The following HSPA13 variants were observed in gnomAD, a reference collection of about 807,000 sequenced individuals.
HSPA13 encodes heat shock 70 kDa protein 13.
Under a neutral mutation model 38.8 loss-of-function variants are expected in HSPA13, and 29 were observed. The observed-to-expected ratio is 0.75, with a 90% confidence interval of 0.56 to 1.02. HSPA13 has a LOEUF of 1.02. HSPA13 is among the 50% of genes least tolerant of loss of function. The pLI is 0.00. For synonymous variants in HSPA13, 192 were observed against 205.3 expected (o/e 0.94, Z 0.56); for missense variants, 451 against 560.9 (o/e 0.80, Z 1.98).
chr21:14,382,203 A>C (rs1984186754), intron 1 of HSPA13, among the ~76,000 whole-genome samples: 1 of 152,188 alleles, frequency 6.6e-6, no homozygotes, highest in Non-Finnish European at 1.5e-5. Context: ...AGGGGAGAAG[A>C]AGCATAAAGG....
rs185108797 is a variant in HSPA13 at position 14,376,431 on chromosome 21, A to G, written c.581-612T>C. ...CCGTCTCAAAAAATAAAAAAAAATA[A>G]AAAATTTAATCATTATATACTATCA... On this transcript the variant is annotated intron_variant, in intron 3 of 4. Transcript: ENST00000285667. Among the ~76,000 whole-genome samples the G allele has an allele frequency of 5.9e-4, 90 of 152,320 alleles. 1 individual carries two copies. The East Asian group carries it at 0.016, about 27-fold the overall frequency.
Position 14,374,018 on chromosome 21 carries a change from G to A in HSPA13, c.1015C>T (p.His339Tyr). 2 of 1,614,200 alleles carry A rather than the reference G, an allele frequency of 1.2e-6. No individual in the cohort carries two copies. The change falls in exon 5 of 5, where the codon CAT becomes TAT. Residue 339 changes from histidine to tyrosine, a missense_variant. Coordinates refer to ENST00000285667, the MANE Select transcript of HSPA13 (RefSeq NM_006948.5). Reference sequence around the variant, plus strand: ...CGTCCAAACCCACTGTTCACGCGATGGTCATCTGCTGAGGAAAGTTTGTCT... The same window carrying A: ...CGTCCAAACCCACTGTTCACGCGATAGTCATCTGCTGAGGAAAGTTTGTCT... ...PKDKLSSADD[H>Y]RVNSGFGRGL...
chr21:14,383,062 C>T lies in HSPA13; in HGVS notation c.25+33G>A, dbSNP rs745461597. ...TGGCATCCTCAGATCGCCTCTACGC[C>T]CGCAAGAGCAACAAGGACCCCCGGG... On this transcript the variant is annotated intron_variant, in intron 1 of 4. Transcript: ENST00000285667. 1.8e-5 allele frequency: 29 copies of T among 1,613,808 alleles called. No individual in the cohort carries two copies. The East Asian group carries it at 6.2e-4, about 35-fold the overall frequency.
intron 3 of HSPA13, among the ~76,000 whole-genome samples, chr21:14,377,906 T>C (rs1454801861): frequency 6.6e-6 from 1 of 152,256 alleles, no homozygotes; most frequent in Non-Finnish European, 1.5e-5. Flanking sequence ...TTGGCTTCCC[T>C]ACTTTTGAGG....
intron 1 of HSPA13, among the ~76,000 whole-genome samples, 192 bp downstream of exon 1, chr21:14,382,903 C>G (rs1333131581): frequency 6.6e-6 from 1 of 152,100 alleles, no homozygotes; most frequent in African/African-American, 2.4e-5. Context: ...CCTGCAGGGG[C>G]CGGGGCCCTC....
At position 14,377,434 on chromosome 21, in the gene HSPA13, G is replaced by C. The variant is rs529851937; in HGVS notation, c.580+765C>G. 3.9e-5 allele frequency among the ~76,000 whole-genome samples: 6 copies of C among 152,240 alleles called. 2 individuals are homozygous for C. Among genetic ancestry groups the C allele is most frequent in the African/African-American group, 1.4e-4 (6 of 41,544 alleles). ...TTTCTCTTTGAGCCTTTGTCCTGTA[G>C]CATCTGATTGGTTCTTGTTAAATAC... On this transcript the variant is annotated intron_variant, in intron 3 of 4. Transcript: ENST00000285667.
chr21:14,375,564 T>A, intron 4 of HSPA13, 88 bp downstream of exon 4: 3 of 844,064 alleles, frequency 3.6e-6, no homozygotes, highest in Non-Finnish European at 5.5e-6. Flanking sequence ...GATCTCCCCA[T>A]CTCGTGATCC....
chr21:14,382,106 G>T (rs1024880096), intron 1 of HSPA13, among the ~76,000 whole-genome samples: 1 of 152,136 alleles, frequency 6.6e-6, no homozygotes, highest in South Asian at 2.1e-4. Flanking sequence ...CCTTAGATAT[G>T]AAACTGTCAC....
rs748061452 is a variant in HSPA13 at position 14,383,140 on chromosome 21, T to C, written c.-21A>G. On this transcript the variant is annotated 5_prime_UTR_variant, in exon 1 of 5. Coordinates refer to ENST00000285667, the MANE Select transcript of HSPA13 (RefSeq NM_006948.5). ...GCCATCACAGTCCCGCCGAACAGGC[T>C]TGTGATGACTGTACCAGACGTGAGG... The C allele has an allele frequency of 3.1e-6, 5 of 1,613,842 alleles. No individual in the cohort carries two copies. Among genetic ancestry groups the C allele is most frequent in the Non-Finnish European group, 3.4e-6 (4 of 1,179,924 alleles).
intron 3 of HSPA13, among the ~76,000 whole-genome samples, chr21:14,376,667 C>T (rs747954008): frequency 1.2e-4 from 19 of 152,164 alleles, no homozygotes; most frequent in Non-Finnish European, 2.6e-4. Context: ...CTGATTTTAC[C>T]ACTTATTCTA....
chr21:14,382,977 G>T, intron 1 of HSPA13, 118 bp downstream of exon 1: 2 of 1,234,064 alleles, frequency 1.6e-6, no homozygotes, highest in South Asian at 1.2e-5. Flanking sequence ...TCACCTTTCT[G>T]ACTCCCCTTC....
In HSPA13 at chr21:14,373,687, C is replaced by T. The variant is rs1982882042; in HGVS notation, c.1346G>A (p.Gly449Asp). The T allele has an allele frequency of 1.2e-6, 2 of 1,614,034 alleles. No homozygotes were observed. Among genetic ancestry groups the T allele is most frequent in the South Asian group, 1.1e-5 (1 of 91,088 alleles). Residue 449 changes from glycine to aspartate, a missense_variant, in exon 5 of 5, where the codon GGC becomes GAC. Transcript: ENST00000285667. ...AGCACTGACTTGGAGAGGCCAAGAGCCTCCATCAATCCCTGCTTGGATAGC... is the reference window on the plus strand; with the variant it reads ...AGCACTGACTTGGAGAGGCCAAGAGTCTCCATCAATCCCTGCTTGGATAGC... Reference protein sequence around the residue: ...GVAIQAGIDGGSWPLQVSALE... With the variant: ...GVAIQAGIDGDSWPLQVSALE...
chr21:14,378,939 C>G (rs1984101897), intron 2 of HSPA13, among the ~76,000 whole-genome samples: 1 of 151,930 alleles, frequency 6.6e-6, no homozygotes, highest in Admixed American at 6.6e-5. Context: ...TTAATAACAG[C>G]AGAATAAAAT....
rs1413580503 is a variant in HSPA13 at position 14,373,583 on chromosome 21, A to G, written c.*34T>C. On this transcript the variant is annotated 3_prime_UTR_variant, in exon 5 of 5. Coordinates refer to ENST00000285667, the MANE Select transcript of HSPA13 (RefSeq NM_006948.5). ...CTGATAAATGGGAAGAGATCATCAG[A>G]CAAGTTCACAAATAACCATTATTTC... The G allele has an allele frequency of 6.6e-7, 1 of 1,519,734 alleles. No homozygotes were observed. The highest frequency in any genetic ancestry group is 2.3e-5 in the East Asian group (1 of 44,344). 94.1% of individuals were successfully genotyped at this position (1,519,734 alleles called of 1,614,324 possible).
chr21:14,374,106 T>C lies in HSPA13; in HGVS notation c.927A>G (p.Val309=). The C allele has an allele frequency of 6.2e-7, 1 of 1,614,166 alleles. No individual in the cohort carries two copies. Among genetic ancestry groups the C allele is most frequent in the Non-Finnish European group, 8.5e-7 (1 of 1,180,022 alleles). The change falls in exon 5 of 5, where the codon GTA becomes GTG. Residue 309 remains valine, a synonymous_variant. Transcript: ENST00000285667. ...LTLHQSAQLS[V]LLTVEEQDRK... The stretch of plus-strand genomic sequence containing the variant: ...TGTCCTGCTCCTCCACCGTTAGTAA[T>C]ACTGACAACTGAGCAGATTGATGAA...
chr21:14,376,339 G>C (rs1046500396), intron 3 of HSPA13, among the ~76,000 whole-genome samples: 1 of 152,136 alleles, frequency 6.6e-6, no homozygotes, highest in African/African-American at 2.4e-5. Flanking sequence ...CGTGAACCCG[G>C]GAGGCGGAGC....
At chr21:14,380,005 T>G (rs1404940525) in intron 2 of HSPA13, among the ~76,000 whole-genome samples, 1 of 150,786 alleles carries the variant, frequency 6.6e-6, no homozygotes, top group Non-Finnish European at 1.5e-5. Flanking sequence ...AGAATGAGAC[T>G]GTCTCAAAAA....
Position 14,378,259 on chromosome 21 carries a change from C to T in HSPA13, c.520G>A (p.Val174Ile). ...TGTTTTAGATCAAATTCTGCTGGTACAGAAATGACAGCATTGGCAACTGGC... is the reference window on the plus strand; with the variant it reads ...TGTTTTAGATCAAATTCTGCTGGTATAGAAATGACAGCATTGGCAACTGGC... ...GMPVANAVIS[V>I]PAEFDLKQRN... Residue 174 changes from valine (V) to isoleucine (I), a missense_variant, in exon 3 of 5, where the codon GTA becomes ATA. Physicochemically the swap from Val to Ile is conservative, Grantham distance 29 (BLOSUM62 3). Transcript: ENST00000285667. 1 of 1,614,130 alleles carries T rather than the reference C, an allele frequency of 6.2e-7. No individual in the cohort carries two copies. Among genetic ancestry groups the T allele is most frequent in the Non-Finnish European group, 8.5e-7 (1 of 1,179,984 alleles).
intron 3 of HSPA13, among the ~76,000 whole-genome samples, chr21:14,377,460 A>T (rs535128541): frequency 6.6e-6 from 1 of 152,320 alleles, no homozygotes; most frequent in East Asian, 1.9e-4. Context: ...TGTTAAATAC[A>T]TATTTTATAT....
Sources: allele counts gnomAD v4.1 joint callset (sites outside exome capture counted in the v4.1 genomes callset), GRCh38; gene constraint gnomAD v4.1.1; transcripts MANE v1.5; gene names NCBI Gene and HGNC (gene_info 2026-07-23, HGNC 2026-07-21).